The following SLC1A7 variants were observed in gnomAD, a reference collection of about 807,000 sequenced individuals.
The protein encoded by SLC1A7 is solute carrier family 1 member 7.
Under a neutral mutation model 47.7 loss-of-function variants are expected in SLC1A7, and 40 were observed. The observed-to-expected ratio is 0.84, with a 90% confidence interval of 0.65 to 1.09. The LOEUF is 1.09. Among genes scored for constraint, SLC1A7 ranks in the 50% least tolerant of loss-of-function variants. The probability of loss-of-function intolerance (pLI) is 0.00; values close to 1 mark genes in which losing one functional copy is unlikely to be tolerated. For missense variants in SLC1A7, 746 were observed against 769.5 expected (o/e 0.97, Z 0.36); for synonymous variants, 323 against 325.6 (o/e 0.99, Z 0.09).
At chr1:53,133,342 T>C (rs893604722) in intron 2 of SLC1A7, among the ~76,000 whole-genome samples, 4 of 152,158 alleles carry the variant, frequency 2.6e-5, no homozygotes, top group Admixed American at 2.6e-4. Context: ...AGCAGAGCCT[T>C]GAAGGCTGAG....
intron 2 of SLC1A7, among the ~76,000 whole-genome samples, chr1:53,122,519 A>G (rs1644836878): frequency 6.6e-6 from 1 of 152,176 alleles, no homozygotes; most frequent in Non-Finnish European, 1.5e-5. Flanking sequence ...GGCAGGCCCA[A>G]CAGCTGACAG....
At chr1:53,103,857 G>A (rs1644611139) in intron 4 of SLC1A7, among the ~76,000 whole-genome samples, 1 of 151,860 alleles carries the variant, frequency 6.6e-6, no homozygotes. Flanking sequence ...TTAACTGCCT[G>A]CCCAGCCCCT....
intron 5 of SLC1A7, among the ~76,000 whole-genome samples, chr1:53,095,569 C>CA (rs1644476916): frequency 6.6e-6 from 1 of 150,574 alleles, no homozygotes; most frequent in African/African-American, 2.5e-5. Context: ...GGTACACTCA[C>CA]CCTGCCTCGA....
Position 53,103,244 on chromosome 1 carries a change from C to T in SLC1A7, c.697+102G>A, listed in dbSNP as rs1275900370. ...TCCAGTTTTTCACAGTAAACCTCTC[C>T]AGCATTCTCCCCAGACCTCAGTAAG... is the stretch of plus-strand genomic sequence containing the variant. On this transcript the variant is annotated intron_variant, in intron 5 of 10. Coordinates refer to ENST00000371494, the MANE Select transcript of SLC1A7 (RefSeq NM_006671.6). 24 of 848,506 alleles carry T rather than the reference C, an allele frequency of 2.8e-5. No individual in the cohort carries two copies. In the East Asian group the frequency reaches 6.4e-4, roughly 22 times the overall value. The allele number at this position is 848,506 out of a possible 1,614,324, so 52.6% of individuals were successfully genotyped here. A position where few individuals can be genotyped will look rare whatever the true frequency, so the allele number is the denominator to read the frequency against.
At chr1:53,109,040 C>T (rs758342865) in intron 3 of SLC1A7, among the ~76,000 whole-genome samples, 16 of 152,104 alleles carry the variant, frequency 1.1e-4, no homozygotes, top group Admixed American at 4.6e-4. Flanking sequence ...AAACACAGAA[C>T]GTGCCTGGGG....
chr1:53,124,856 A>C (rs555451830), intron 2 of SLC1A7, among the ~76,000 whole-genome samples: 118 of 152,322 alleles, frequency 7.7e-4, no homozygotes, highest in African/African-American at 2.6e-3. Context: ...GTGCCTCCCG[A>C]GTGGGTGAGT....
At chr1:53,115,053 G>T in intron 2 of SLC1A7, 80 bp from the exon 3 acceptor site, 2 of 1,104,590 alleles carry the variant, frequency 1.8e-6, no homozygotes, top group Non-Finnish European at 2.7e-6. Context: ...AGCCCCTCCT[G>T]GCCATGTCCA....
At chr1:53,134,635 C>T (rs1644973099) in intron 1 of SLC1A7, among the ~76,000 whole-genome samples, 1 of 152,138 alleles carries the variant, frequency 6.6e-6, no homozygotes, top group African/African-American at 2.4e-5. Context: ...CCCCCACAAG[C>T]TGTGTGGCCT....
intron 1 of SLC1A7, among the ~76,000 whole-genome samples, chr1:53,135,127 C>T (rs1644978490): frequency 6.6e-6 from 1 of 152,182 alleles, no homozygotes; most frequent in Admixed American, 6.5e-5. Flanking sequence ...CTGAAAATAA[C>T]AGCTCTCCTC....
intron 2 of SLC1A7, among the ~76,000 whole-genome samples, chr1:53,129,640 C>T (rs758022609): frequency 7.1e-6 from 1 of 141,068 alleles, no homozygotes; most frequent in Admixed American, 7.2e-5. Context: ...CCCCGCTGGC[C>T]CCACTGCCCT....
At chr1:53,110,577 CTGAG>C (rs1644691840) in intron 3 of SLC1A7, among the ~76,000 whole-genome samples, 1 of 152,292 alleles carries the variant, frequency 6.6e-6, no homozygotes, top group East Asian at 1.9e-4. Context: ...CCCGCAGCCC[CTGAG>C]TAAGGGCAGG....
intron 5 of SLC1A7, among the ~76,000 whole-genome samples, chr1:53,093,921 C>T (rs1193839804): frequency 2.0e-5 from 3 of 152,192 alleles, no homozygotes; most frequent in Non-Finnish European, 4.4e-5. Context: ...CCTCCTGCTC[C>T]TGCCCATCTC....
At chr1:53,112,473 A>C (rs1009764534) in intron 3 of SLC1A7, among the ~76,000 whole-genome samples, 4 of 152,244 alleles carry the variant, frequency 2.6e-5, no homozygotes, top group African/African-American at 9.6e-5. Context: ...TTGGTTTGTT[A>C]TGCAGCAGTA....
In SLC1A7 at chr1:53,105,613, C is replaced by T. The variant is rs1039308305; in HGVS notation, c.474+119G>A. The T allele has an allele frequency of 5.9e-6, 5 of 840,568 alleles. No individual in the cohort carries two copies. In the African/African-American group the frequency reaches 8.4e-5, roughly 14 times the overall value. 52.1% of individuals were successfully genotyped at this position (840,568 alleles called of 1,614,324 possible). On this transcript the variant is annotated intron_variant, in intron 4 of 10. Coordinates refer to ENST00000371494, the MANE Select transcript of SLC1A7 (RefSeq NM_006671.6). ...ACCCTCCCCTCTAGCATCCCACCTC[C>T]AGCAGACAGCGTGACTGGCCAGCAC...
At chr1:53,088,329 C>T in intron 10 of SLC1A7, 102 bp from the exon 11 acceptor site, 2 of 961,842 alleles carry the variant, frequency 2.1e-6, no homozygotes, top group Non-Finnish European at 3.0e-6. Context: ...GGGCTAGGAA[C>T]CACAAGATGG....
At chr1:53,140,140 C>A (rs1645042153) in intron 1 of SLC1A7, among the ~76,000 whole-genome samples, 1 of 152,146 alleles carries the variant, frequency 6.6e-6, no homozygotes, top group Non-Finnish European at 1.5e-5. Context: ...GCTGAGAAAG[C>A]CAGTTTCTGC....
At chr1:53,088,396 G>A in intron 10 of SLC1A7, 169 bp from the exon 11 acceptor site, 2 of 578,482 alleles carry the variant, frequency 3.5e-6, no homozygotes, top group Non-Finnish European at 6.0e-6. Context: ...CTGGGCTCCT[G>A]TTCCCAAGCG....
At chr1:53,116,375 G>GA (rs1266137326) in intron 2 of SLC1A7, 11 of 152,356 alleles carry the variant, frequency 7.2e-5, no homozygotes, top group African/African-American at 2.7e-4. Context: ...CTCTTTACTG[G>GA]AAGCACCTCC....
intron 1 of SLC1A7, among the ~76,000 whole-genome samples, chr1:53,136,546 AAT>A (rs1491462829): frequency 2.5e-5 from 1 of 39,552 alleles, no homozygotes; most frequent in African/African-American, 9.2e-5. Flanking sequence ...ACATATATAT[AAT>A]ATATATAAAC....
Sources: allele counts gnomAD v4.1 joint callset (sites outside exome capture counted in the v4.1 genomes callset), GRCh38; gene constraint gnomAD v4.1.1; transcripts MANE v1.5; gene names NCBI Gene and HGNC (gene_info 2026-07-23, HGNC 2026-07-21).